The following UNC13C variants were observed in gnomAD, a reference collection of about 807,000 sequenced individuals.
The protein encoded by UNC13C is unc-13 homolog C.
UNC13C carries 174 observed loss-of-function variants against 245.4 expected under a neutral mutation model. The observed-to-expected ratio is 0.71, with a 90% CI of 0.63 to 0.80. UNC13C has a LOEUF of 0.80. Among genes scored for constraint, UNC13C ranks in the 30% least tolerant of loss-of-function variants. The pLI is 0.00. For synonymous variants in UNC13C, 992 were observed against 895.1 expected (o/e 1.11, Z -1.93); for missense variants, 2,829 against 2,602.9 (o/e 1.09, Z -1.89).
At chr15:54,242,566 C>T (rs1313630575) in intron 7 of UNC13C, among the ~76,000 whole-genome samples, 3 of 151,858 alleles carry the variant, frequency 2.0e-5, no homozygotes, top group African/African-American at 7.3e-5. Context: ...TTGTTGACTC[C>T]ATATTATCTC....
At chr15:54,176,568 T>C (rs2033623417) in intron 4 of UNC13C, among the ~76,000 whole-genome samples, 1 of 152,152 alleles carries the variant, frequency 6.6e-6, no homozygotes, top group Admixed American at 6.5e-5. Context: ...TGAAATCCTT[T>C]ATCAAAAAGT....
chr15:53,939,136 C>T, the UNC13C span, among the ~76,000 whole-genome samples: 1 of 151,814 alleles, frequency 6.6e-6, no homozygotes, highest in Non-Finnish European at 1.5e-5. Flanking sequence ...CAAACAGATA[C>T]AATCAGATAC....
chr15:54,445,809 T>A (rs1394911119), intron 19 of UNC13C, among the ~76,000 whole-genome samples: 1 of 152,250 alleles, frequency 6.6e-6, no homozygotes, highest in Non-Finnish European at 1.5e-5. Context: ...GGATCCCATT[T>A]GTCAAGTTTG....
chr15:54,441,636 G>A (rs1416297131), intron 19 of UNC13C, among the ~76,000 whole-genome samples: 1 of 151,896 alleles, frequency 6.6e-6, no homozygotes, highest in Non-Finnish European at 1.5e-5. Flanking sequence ...GATATCTCCA[G>A]CTTTGTTTTT....
rs1276899890 is a variant in UNC13C at position 54,627,351 on chromosome 15, C to A, written c.*238C>A. The A allele has an allele frequency of 8.4e-6, 3 of 355,708 alleles. No individual in the cohort carries two copies. Among genetic ancestry groups the A allele is most frequent in the South Asian group, 8.4e-5 (1 of 11,868 alleles). The allele number at this position is 355,708 out of a possible 1,614,324, so 22.0% of individuals were successfully genotyped here. The stretch of plus-strand genomic sequence containing the variant: ...GTGAAATATCAAGAACACCTTTTAA[C>A]ATGTTTATTTTGTTTCTTTACCCAT... On this transcript the variant is annotated 3_prime_UTR_variant, in exon 33 of 33. Coordinates refer to ENST00000260323, the MANE Select transcript of UNC13C (RefSeq NM_001080534.3).
the UNC13C span, among the ~76,000 whole-genome samples, chr15:53,969,229 C>A: frequency 2.6e-5 from 4 of 151,940 alleles, no homozygotes; most frequent in African/African-American, 9.7e-5. Flanking sequence ...CTAAAAGAGA[C>A]AAGAGTAGGG....
intron 2 of UNC13C, among the ~76,000 whole-genome samples, chr15:54,110,555 G>T (rs182386574): frequency 1.8e-4 from 27 of 152,254 alleles, no homozygotes; most frequent in Non-Finnish European, 3.1e-4. Flanking sequence ...GTGGTTGTTG[G>T]TTTCAAAATG....
chr15:54,523,449 A>T (rs1401410666), intron 24 of UNC13C, among the ~76,000 whole-genome samples: 2 of 152,210 alleles, frequency 1.3e-5, no homozygotes, highest in African/African-American at 2.4e-5. Context: ...GCTTAGAAAC[A>T]TACCTATGTA....
At chr15:54,079,378 T>A (rs1898813698) in intron 2 of UNC13C, among the ~76,000 whole-genome samples, 1 of 152,140 alleles carries the variant, frequency 6.6e-6, no homozygotes, top group Non-Finnish European at 1.5e-5. Flanking sequence ...GGAATTTCAC[T>A]GAATTTTTAG....
chr15:54,284,101 T>C (rs1274054433), intron 10 of UNC13C, among the ~76,000 whole-genome samples: 1 of 152,206 alleles, frequency 6.6e-6, no homozygotes, highest in East Asian at 1.9e-4. Flanking sequence ...AGATTATTGA[T>C]GTTTAGCTCT....
At chr15:54,364,318 A>G (rs1347117203) in intron 17 of UNC13C, among the ~76,000 whole-genome samples, 1 of 151,992 alleles carries the variant, frequency 6.6e-6, no homozygotes, top group African/African-American at 2.4e-5. Flanking sequence ...GAAAAATTTA[A>G]TTGCATGAAA....
At chr15:54,595,970 C>T (rs1327019480) in intron 30 of UNC13C, among the ~76,000 whole-genome samples, 3 of 151,952 alleles carry the variant, frequency 2.0e-5, no homozygotes, top group Non-Finnish European at 2.9e-5. Context: ...AGAAATATTA[C>T]ATATGAAAAT....
At chr15:53,931,327 C>T in the UNC13C span, among the ~76,000 whole-genome samples, 1 of 152,014 alleles carries the variant, frequency 6.6e-6, no homozygotes, top group Admixed American at 6.6e-5. Flanking sequence ...TGCTACCACA[C>T]CTGGCTAATT....
At chr15:54,263,774 A>G (rs2036484746) in intron 8 of UNC13C, among the ~76,000 whole-genome samples, 1 of 152,152 alleles carries the variant, frequency 6.6e-6, no homozygotes, top group South Asian at 2.1e-4. Context: ...TGCCACTTAT[A>G]TTCTATCTAT....
At chr15:54,222,661 C>A (rs2035260338) in intron 4 of UNC13C, among the ~76,000 whole-genome samples, 1 of 151,916 alleles carries the variant, frequency 6.6e-6, no homozygotes, top group South Asian at 2.1e-4. Flanking sequence ...TTTTGAGGAA[C>A]CTCCAAACTG....
chr15:54,110,135 C>G (rs1350413590), intron 2 of UNC13C, among the ~76,000 whole-genome samples: 1 of 151,848 alleles, frequency 6.6e-6, no homozygotes, highest in East Asian at 1.9e-4. Flanking sequence ...AAAAAATTAG[C>G]CAGGCCTGGT....
intron 4 of UNC13C, among the ~76,000 whole-genome samples, chr15:54,221,594 T>A (rs1439529202): frequency 6.6e-6 from 1 of 151,968 alleles, no homozygotes; most frequent in African/African-American, 2.4e-5. Context: ...CAGAATAAAG[T>A]TGTATTAAAG....
chr15:54,486,102 T>C (rs1893389068), intron 19 of UNC13C, among the ~76,000 whole-genome samples: 1 of 152,100 alleles, frequency 6.6e-6, no homozygotes, highest in Non-Finnish European at 1.5e-5. Context: ...TTTGCTGTAT[T>C]TCCTGTATAG....
At chr15:54,568,379 A>G (rs191462057) in intron 30 of UNC13C, among the ~76,000 whole-genome samples, 2 of 152,252 alleles carry the variant, frequency 1.3e-5, no homozygotes, top group Admixed American at 1.3e-4. Context: ...TGGGGTTTCC[A>G]TAAGGGAAAT....
Sources: gnomAD v4.1 joint callset for allele counts (sites outside exome capture counted in the v4.1 genomes callset) on GRCh38, gnomAD v4.1.1 for gene constraint, MANE v1.5 for transcripts, NCBI Gene and HGNC (gene_info 2026-07-23, HGNC 2026-07-21) for gene names.